Variants in ADAMTSL1 observed in about 807,000 individuals in gnomAD.
ADAMTSL1 encodes the protein ADAMTS-like protein 1.
A neutral mutation model predicts 201.8 loss-of-function variants in ADAMTSL1; 126 were observed. The ratio of observed to expected loss-of-function variants is 0.62; its 90% CI spans 0.54 to 0.72. ADAMTSL1 has a LOEUF of 0.72. Ranked by LOEUF, ADAMTSL1 falls within the 30% of genes least tolerant of loss-of-function variation. The probability of loss-of-function intolerance (pLI) is 0.00; values close to 1 mark genes in which losing one functional copy is unlikely to be tolerated. For synonymous variants in ADAMTSL1, 1,121 were observed against 903.4 expected (o/e 1.24, Z -4.32); for missense variants, 2,679 against 2,277.8 (o/e 1.18, Z -3.59).
At chr9:18,606,503 G>A (rs1335177886) in intron 4 of ADAMTSL1, among the ~76,000 whole-genome samples, 1 of 152,128 alleles carries the variant, frequency 6.6e-6, no homozygotes, top group East Asian at 1.9e-4. Context: ...TAGTACATGT[G>A]GTGCTGCCTG....
chr9:18,069,586 T>C (rs552270428), intron 1 of ADAMTSL1, among the ~76,000 whole-genome samples: 8 of 152,360 alleles, frequency 5.3e-5, no homozygotes, highest in Admixed American at 1.3e-4. Flanking sequence ...GGTCAAAATT[T>C]ATAGTTTAAA....
At chr9:18,692,106 T>C (rs901186169) in intron 13 of ADAMTSL1, among the ~76,000 whole-genome samples, 1 of 152,204 alleles carries the variant, frequency 6.6e-6, no homozygotes, top group Admixed American at 6.5e-5. Flanking sequence ...TTTCTTCGTC[T>C]ACACTTCTGA....
At chr9:18,452,114 T>C (rs1382035887) in intron 2 of ADAMTSL1, among the ~76,000 whole-genome samples, 3 of 152,018 alleles carry the variant, frequency 2.0e-5, no homozygotes, top group East Asian at 1.9e-4. Context: ...GGTTTCTCCA[T>C]GTTGGTCAGG....
At chr9:17,924,306 C>T (rs201247074) in intron 1 of ADAMTSL1, among the ~76,000 whole-genome samples, 15 of 152,166 alleles carry the variant, frequency 9.9e-5, no homozygotes, top group East Asian at 3.9e-4. Context: ...TTTCAGCTCC[C>T]GTTATTGGTC....
chr9:18,330,670 A>G (rs1328961371), intron 2 of ADAMTSL1, among the ~76,000 whole-genome samples: 1 of 152,178 alleles, frequency 6.6e-6, no homozygotes, highest in East Asian at 1.9e-4. Context: ...ACAGAGTAGA[A>G]AGTGGCAAAA....
rs750731863 is a variant in ADAMTSL1, at chr9:18,417,382, G to GA, written c.208-87437dup. 6.3e-3 allele frequency among the ~76,000 whole-genome samples: 685 copies of GA among 108,848 alleles called. 2 individuals are homozygous for GA. The highest frequency in any genetic ancestry group is 0.018 in the South Asian group (60 of 3,250). The allele number at this position is 108,848 out of a possible 152,430, so 71.4% of individuals were successfully genotyped here. A position where few individuals can be genotyped will look rare whatever the true frequency, so the allele number is the denominator to read the frequency against. Reference sequence around the variant, plus strand: ...AAGTAAGCAGGAAAAAAAAAAAAAAGAAAAAAAAAACAAAGATGAGGGCAG... The same window carrying GA: ...AAGTAAGCAGGAAAAAAAAAAAAAAGAAAAAAAAAAACAAAGATGAGGGCAG... On this transcript the variant is annotated intron_variant, in intron 2 of 29. Coordinates refer to the ADAMTSL1 transcript ENST00000680146.
chr9:18,064,018 T>G (rs576380876), intron 1 of ADAMTSL1, among the ~76,000 whole-genome samples: 1 of 152,260 alleles, frequency 6.6e-6, no homozygotes, highest in South Asian at 2.1e-4. Context: ...CATGCATATT[T>G]TTATGAATCC....
At chr9:18,622,511 G>A in intron 5 of ADAMTSL1, 142 bp downstream of exon 5, 3 of 1,282,700 alleles carry the variant, frequency 2.3e-6, no homozygotes, top group Non-Finnish European at 3.2e-6. Context: ...TTCATGCTCT[G>A]GCATGTGAAT....
At chr9:17,949,227 G>A (rs1017309109) in intron 1 of ADAMTSL1, among the ~76,000 whole-genome samples, 3 of 152,166 alleles carry the variant, frequency 2.0e-5, no homozygotes, top group Admixed American at 6.5e-5. Flanking sequence ...TGCAGACAGG[G>A]CATCATGGAG....
intron 2 of ADAMTSL1, among the ~76,000 whole-genome samples, chr9:18,250,108 C>A (rs1587396563): frequency 6.6e-6 from 1 of 152,136 alleles, no homozygotes; most frequent in East Asian, 1.9e-4. Context: ...AATTAAAGTT[C>A]TTGCTTGCTA....
chr9:18,165,478 T>C (rs560638411), intron 2 of ADAMTSL1, among the ~76,000 whole-genome samples: 9 of 151,936 alleles, frequency 5.9e-5, no homozygotes, highest in Non-Finnish European at 7.4e-5. Flanking sequence ...TAATATTACA[T>C]TGATTTCCAT....
intron 2 of ADAMTSL1, among the ~76,000 whole-genome samples, chr9:18,507,556 C>A (rs190758572): frequency 7.2e-5 from 11 of 151,964 alleles, no homozygotes; most frequent in Non-Finnish European, 1.5e-4. Context: ...TTCACCAACC[C>A]AATACTTTAG....
chr9:18,285,694 AT>A (rs1395126914), intron 2 of ADAMTSL1, among the ~76,000 whole-genome samples: 1 of 151,854 alleles, frequency 6.6e-6, no homozygotes, highest in East Asian at 1.9e-4. Flanking sequence ...GTTTATAATC[AT>A]TTTGAATGGT....
At chr9:18,544,990 A>G (rs1820388370) in intron 3 of ADAMTSL1, among the ~76,000 whole-genome samples, 1 of 152,200 alleles carries the variant, frequency 6.6e-6, no homozygotes, top group Non-Finnish European at 1.5e-5. Context: ...TCTCCTGGCT[A>G]GCTCCACGAG....
chr9:18,684,137 G>A (rs946833128), intron 12 of ADAMTSL1, among the ~76,000 whole-genome samples: 1 of 152,116 alleles, frequency 6.6e-6, no homozygotes, highest in African/African-American at 2.4e-5. Context: ...GGTGAAATAA[G>A]TCAAATTATG....
At chr9:18,793,447 A>C (rs982607847) in intron 19 of ADAMTSL1, among the ~76,000 whole-genome samples, 1 of 152,134 alleles carries the variant, frequency 6.6e-6, no homozygotes, top group East Asian at 1.9e-4. Flanking sequence ...ATAGTGGGAG[A>C]GTGTTGCTGG....
At chr9:17,995,527 G>C (rs932522084) in intron 1 of ADAMTSL1, among the ~76,000 whole-genome samples, 4 of 151,982 alleles carry the variant, frequency 2.6e-5, no homozygotes, top group Non-Finnish European at 4.4e-5. Flanking sequence ...TTTTATTTTG[G>C]GTTAATTGGG....
intron 4 of ADAMTSL1, among the ~76,000 whole-genome samples, chr9:18,610,077 C>A (rs1048996859): frequency 6.6e-6 from 1 of 151,860 alleles, no homozygotes; most frequent in African/African-American, 2.4e-5. Flanking sequence ...TAAGAAGTGG[C>A]CAGGGAAGTG....
intron 1 of ADAMTSL1, among the ~76,000 whole-genome samples, chr9:18,490,131 T>G (rs962704178): frequency 6.6e-6 from 1 of 152,226 alleles, no homozygotes; most frequent in African/African-American, 2.4e-5. Context: ...GCTGTTTTAC[T>G]GCATGTGTCC....
Sources: allele counts gnomAD v4.1 joint callset (sites outside exome capture counted in the v4.1 genomes callset), GRCh38; gene constraint gnomAD v4.1.1; transcripts MANE v1.5; gene names NCBI Gene and HGNC (gene_info 2026-07-23, HGNC 2026-07-21).